Variants in PSD3 observed in about 807,000 individuals in gnomAD.
PSD3 encodes the protein PH and SEC7 domain-containing protein 3.
In PSD3, 49 loss-of-function variants were observed where a neutral mutation model predicts 105.5. The ratio of observed to expected loss-of-function variants is 0.46; its 90% CI spans 0.37 to 0.59. The LOEUF is 0.59. Ranked by LOEUF, PSD3 falls within the 20% of genes least tolerant of loss-of-function variation. The probability of loss-of-function intolerance (pLI) is 0.00; values close to 1 mark genes in which losing one functional copy is unlikely to be tolerated. For missense variants in PSD3, 1,561 were observed against 1,263.8 expected, an observed-to-expected ratio of 1.24 and a Z score of -3.57; for synonymous variants, 557 against 457.8, an observed-to-expected ratio of 1.22 and a Z score of -2.77.
At chr8:18,991,302 T>A in intron 1 of PSD3, among the ~76,000 whole-genome samples, 1 of 151,626 alleles carries the variant, frequency 6.6e-6, no homozygotes, top group Non-Finnish European at 1.5e-5. Flanking sequence ...AGGTGATGTG[T>A]TTACTCTCTC....
At chr8:19,022,864 C>CTT (rs5889843) in intron 1 of PSD3, among the ~76,000 whole-genome samples, 1,830 of 143,708 alleles carry the variant, frequency 0.013, 15 homozygotes, top group Non-Finnish European at 0.02. Context: ...TCTCAGGACC[C>CTT]TTTTTTTTTT....
chr8:18,964,894 T>G (rs1209447715), intron 1 of PSD3, among the ~76,000 whole-genome samples: 1 of 152,250 alleles, frequency 6.6e-6, no homozygotes. Context: ...GTCAGACTTT[T>G]TGCTTTTACA....
chr8:19,032,649 C>CAAAA, intron 1 of PSD3, among the ~76,000 whole-genome samples: 1 of 108,248 alleles, frequency 9.2e-6, no homozygotes. Context: ...GACTCTGTCT[C>CAAAA]AAAAAAAAAA....
At chr8:18,781,949 T>C (rs181550018) in intron 8 of PSD3, among the ~76,000 whole-genome samples, 2 of 152,248 alleles carry the variant, frequency 1.3e-5, no homozygotes, top group Admixed American at 1.3e-4. Flanking sequence ...TTACAAATTC[T>C]TCTGCTTGAT....
chr8:18,679,734 G>T (rs1015030543), intron 9 of PSD3, among the ~76,000 whole-genome samples: 20 of 152,160 alleles, frequency 1.3e-4, no homozygotes, highest in Admixed American at 5.2e-4. Flanking sequence ...GCGGCATCCT[G>T]ACTGAGAAAC....
At chr8:18,902,744 T>C (rs1438396750) in intron 2 of PSD3, among the ~76,000 whole-genome samples, 2 of 152,212 alleles carry the variant, frequency 1.3e-5, no homozygotes, top group Non-Finnish European at 2.9e-5. Flanking sequence ...GGTGCAGTAG[T>C]AGAGTCTCTG....
chr8:18,853,860 GA>G (rs954361771), intron 4 of PSD3, among the ~76,000 whole-genome samples: 2 of 152,086 alleles, frequency 1.3e-5, no homozygotes, highest in Non-Finnish European at 1.5e-5. Context: ...CTCCACTAGG[GA>G]AAAATCTCAT....
At chr8:18,684,043 G>C (rs1332761502) in intron 9 of PSD3, 2 of 645,340 alleles carry the variant, frequency 3.1e-6, no homozygotes, top group South Asian at 1.9e-5. Flanking sequence ...AGCAGCTCCT[G>C]AGCGCCGTGA....
chr8:18,561,229 A>C (rs1292940391), intron 14 of PSD3, among the ~76,000 whole-genome samples: 1 of 152,208 alleles, frequency 6.6e-6, no homozygotes, highest in East Asian at 1.9e-4. Context: ...AAGAGATCTA[A>C]GTGTCCTTTG....
chr8:18,879,051 A>AACACACACACAC lies in PSD3; in HGVS notation c.131-6330_131-6319dup, dbSNP rs59598569. On this transcript the variant is annotated intron_variant, in intron 2 of 15. Coordinates refer to ENST00000327040, the MANE Select transcript of PSD3 (RefSeq NM_015310.4). ...ACAAACAAACAAACACACACACACAAACACACACACACACACACACACACA... is the reference window on the plus strand; with the variant it reads ...ACAAACAAACAAACACACACACACAAACACACACACACACACACACACACACACACACACACA... Among the ~76,000 whole-genome samples the AACACACACACAC allele has an allele frequency of 9.6e-4, 133 of 138,674 alleles. 1 individual carries two copies. The highest frequency in any genetic ancestry group is 7.5e-3 in the Middle Eastern group (2 of 268). 91.0% of individuals were successfully genotyped at this position (138,674 alleles called of 152,430 possible).
chr8:18,752,586 TTATATATTATATATTATATATAATAC>T (rs1805662495), intron 9 of PSD3, among the ~76,000 whole-genome samples: 2 of 78,066 alleles, frequency 2.6e-5, no homozygotes, highest in Non-Finnish European at 4.3e-5. Flanking sequence ...ATTATATATA[TTATATATTATATATTATATATAATAC>T]ATATAATATA....
intron 1 of PSD3, among the ~76,000 whole-genome samples, chr8:18,936,454 C>G (rs1026472555): frequency 2.0e-5 from 3 of 152,148 alleles, no homozygotes; most frequent in African/African-American, 7.2e-5. Flanking sequence ...CTTAATGTAA[C>G]TTTTCTGCAA....
chr8:18,682,499 C>T (rs1800444212), intron 9 of PSD3, among the ~76,000 whole-genome samples: 3 of 152,138 alleles, frequency 2.0e-5, no homozygotes, highest in Admixed American at 6.5e-5. Context: ...CTATACAGGT[C>T]ACATTAAAGG....
rs28719026 is a variant in PSD3, at chr8:18,700,262, T to C, written c.2173-44577A>G. 8.9e-3 allele frequency among the ~76,000 whole-genome samples: 1,353 copies of C among 152,288 alleles called. 26 individuals are homozygous for C. Among genetic ancestry groups the C allele is most frequent in the African/African-American group, 0.031 (1,301 of 41,550 alleles). ...AAAACAGACCTCCTAATCACTTAAT[T>C]AGATGTACTTTAAAAGGTACATAAA... On this transcript the variant is annotated intron_variant, in intron 9 of 15. Coordinates refer to ENST00000327040, the MANE Select transcript of PSD3 (RefSeq NM_015310.4).
At chr8:18,577,052 G>A (rs979795283) in intron 12 of PSD3, among the ~76,000 whole-genome samples, 2 of 151,788 alleles carry the variant, frequency 1.3e-5, no homozygotes, top group Admixed American at 1.3e-4. Flanking sequence ...AGAATTTAAG[G>A]TTACAATTTT....
chr8:18,627,283 A>AGTTT (rs1806555082), intron 11 of PSD3, among the ~76,000 whole-genome samples: 1 of 152,092 alleles, frequency 6.6e-6, no homozygotes, highest in Admixed American at 6.6e-5. Flanking sequence ...ATAAGAAAGG[A>AGTTT]GTTTAGTGAT....
chr8:18,666,946 G>A (rs1202747875), intron 9 of PSD3, among the ~76,000 whole-genome samples: 2 of 152,174 alleles, frequency 1.3e-5, no homozygotes, highest in Non-Finnish European at 2.9e-5. Context: ...AGTTCTTAAA[G>A]GAGACGTGTC....
chr8:18,574,290 T>G (rs1465837110), intron 13 of PSD3, among the ~76,000 whole-genome samples: 2 of 152,214 alleles, frequency 1.3e-5, no homozygotes, highest in African/African-American at 4.8e-5. Context: ...GGCTCCATTA[T>G]TATTTCAATG....
chr8:18,846,553 G>A (rs1344029436), intron 4 of PSD3, among the ~76,000 whole-genome samples: 1 of 152,170 alleles, frequency 6.6e-6, no homozygotes, highest in African/African-American at 2.4e-5. Context: ...TGTATTCCTG[G>A]CAGAGAGGGT....
Sources: gnomAD v4.1 joint callset for allele counts (sites outside exome capture counted in the v4.1 genomes callset) on GRCh38, gnomAD v4.1.1 for gene constraint, MANE v1.5 for transcripts, NCBI Gene and HGNC (gene_info 2026-07-23, HGNC 2026-07-21) for gene names.